Variants in IL1RAPL1 observed in about 807,000 individuals in gnomAD.
IL1RAPL1 encodes interleukin-1 receptor accessory protein-like 1.
Under a neutral mutation model 48.4 loss-of-function variants are expected in IL1RAPL1, and 3 were observed. That is an observed-to-expected ratio of 0.06 (90% CI 0.03 to 0.16). The LOEUF (loss-of-function observed/expected upper bound fraction) is 0.16, where lower values mean the gene tolerates loss of function less well. Ranked by LOEUF, IL1RAPL1 falls within the 10% of genes least tolerant of loss-of-function variation. The pLI is 1.00. For synonymous variants in IL1RAPL1, 185 were observed against 187.7 expected, an observed-to-expected ratio of 0.99 and a Z score of 0.12; for missense variants, 349 against 530.6, an observed-to-expected ratio of 0.66 and a Z score of 3.36.
intron 3 of IL1RAPL1, among the ~76,000 whole-genome samples, chrX:29,335,808 T>C (rs1427007889): frequency 9.0e-6 from 1 of 111,578 alleles, no homozygotes; most frequent in Non-Finnish European, 1.9e-5. Context: ...TTTGCCTATA[T>C]TTGAAAGCAC....
intron 2 of IL1RAPL1, among the ~76,000 whole-genome samples, chrX:29,094,872 T>C (rs1410533235): frequency 1.0e-5 from 1 of 98,648 alleles, no homozygotes; most frequent in Non-Finnish European, 2.0e-5. Flanking sequence ...ACTACTGATC[T>C]CACTGCCTGG....
At chrX:28,715,553 C>T (rs763453673) in intron 1 of IL1RAPL1, among the ~76,000 whole-genome samples, 2 of 111,588 alleles carry the variant, frequency 1.8e-5, no homozygotes, top group South Asian at 7.4e-4. Context: ...TTACAAATAC[C>T]TCTATGAACA....
chrX:28,887,496 A>G (rs924938430), intron 2 of IL1RAPL1, among the ~76,000 whole-genome samples: 7 of 112,408 alleles, frequency 6.2e-5, no homozygotes, highest in Admixed American at 1.9e-4. Context: ...TTGCCAAAGC[A>G]GCGAAATCCC....
chrX:29,814,998 G>T (rs980905270), intron 6 of IL1RAPL1, among the ~76,000 whole-genome samples: 1 of 111,603 alleles, frequency 9.0e-6, no homozygotes, highest in Non-Finnish European at 1.9e-5. Flanking sequence ...ATAGTTTAAA[G>T]TTGGGTAATG....
chrX:29,709,334 C>T (rs377491001), intron 6 of IL1RAPL1, among the ~76,000 whole-genome samples: 2 of 111,509 alleles, frequency 1.8e-5, no homozygotes, highest in South Asian at 3.7e-4. Flanking sequence ...GTGACATATA[C>T]GGTGTTCAGT....
chrX:29,058,088 GA>G (rs1927261238), intron 2 of IL1RAPL1, among the ~76,000 whole-genome samples: 1 of 110,919 alleles, frequency 9.0e-6, no homozygotes, highest in South Asian at 3.9e-4. Context: ...TTAAAAATAG[GA>G]AAGAGGCCGG....
chrX:29,457,400 T>A (rs1361547502), intron 5 of IL1RAPL1, among the ~76,000 whole-genome samples: 1 of 111,253 alleles, frequency 9.0e-6, no homozygotes, highest in African/African-American at 3.3e-5. Flanking sequence ...TCATGTGTGC[T>A]CAAAGTTTAG....
chrX:29,298,005 A>G (rs956344838), intron 3 of IL1RAPL1, among the ~76,000 whole-genome samples: 6 of 112,231 alleles, frequency 5.3e-5, no homozygotes, highest in Non-Finnish European at 7.5e-5. Context: ...TGATAAGCTA[A>G]CAATTAATTT....
intron 3 of IL1RAPL1, among the ~76,000 whole-genome samples, chrX:29,300,656 T>C (rs188576630): frequency 1.3e-3 from 142 of 112,208 alleles, no homozygotes; most frequent in African/African-American, 4.1e-3. Context: ...TAACAGCCTG[T>C]GTGTTAACCT....
chrX:29,168,204 T>C (rs1929824878), intron 2 of IL1RAPL1, among the ~76,000 whole-genome samples: 2 of 109,381 alleles, frequency 1.8e-5, no homozygotes, highest in South Asian at 7.8e-4. Context: ...TTCAAAATCT[T>C]CACTTCTATC....
rs1208089259 is a variant in IL1RAPL1 at position 29,270,142 on chromosome X, C to T, written c.83-12796C>T. Among the ~76,000 whole-genome samples, 10 of 111,793 alleles carry T rather than the reference C, an allele frequency of 8.9e-5. No homozygotes were observed. The East Asian group carries it at 2.2e-3, about 25-fold the overall frequency. On this transcript the variant is annotated intron_variant, in intron 2 of 10. Transcript: ENST00000378993. ...ATTATATGACTACATTCATCATTTG[C>T]TTATTCACCTGTTGGTAAAATTTAC...
intron 2 of IL1RAPL1, among the ~76,000 whole-genome samples, chrX:29,164,186 C>T (rs1017136423): frequency 2.4e-4 from 27 of 111,290 alleles, no homozygotes; most frequent in African/African-American, 6.5e-4. Context: ...TGACTTTGGA[C>T]GGCACACATT....
intron 5 of IL1RAPL1, among the ~76,000 whole-genome samples, chrX:29,544,923 T>C (rs1017775468): frequency 9.9e-6 from 1 of 100,994 alleles, no homozygotes; most frequent in East Asian, 2.9e-4. Flanking sequence ...TAATTCAGTC[T>C]GACTGTCATC....
chrX:29,791,967 G>C (rs1340138348), intron 6 of IL1RAPL1, among the ~76,000 whole-genome samples: 1 of 110,024 alleles, frequency 9.1e-6, no homozygotes, highest in Non-Finnish European at 1.9e-5. Context: ...CCTGGCTCAA[G>C]TGATTTGCCC....
chrX:28,939,307 A>G (rs993542928), intron 2 of IL1RAPL1, among the ~76,000 whole-genome samples: 1 of 111,614 alleles, frequency 9.0e-6, no homozygotes, highest in African/African-American at 3.3e-5. Context: ...GACAGACTGG[A>G]TAAAGAAAAT....
intron 2 of IL1RAPL1, among the ~76,000 whole-genome samples, chrX:28,954,175 C>G (rs889881247): frequency 9.0e-6 from 1 of 110,632 alleles, no homozygotes; most frequent in Non-Finnish European, 1.9e-5. Flanking sequence ...CTTTAAAAAC[C>G]CTTCAAAATG....
intron 2 of IL1RAPL1, among the ~76,000 whole-genome samples, chrX:28,873,939 G>A (rs1161703511): frequency 6.8e-5 from 7 of 103,209 alleles, no homozygotes; most frequent in African/African-American, 2.5e-4. Context: ...GCTTCTTTCA[G>A]CCACCTTGTT....
chrX:29,240,292 C>T (rs1385951709), intron 2 of IL1RAPL1, among the ~76,000 whole-genome samples: 2 of 85,101 alleles, frequency 2.4e-5, no homozygotes, highest in Non-Finnish European at 4.3e-5. Flanking sequence ...TGGAGTGCAG[C>T]GGCATGATCT....
In IL1RAPL1 at chrX:29,358,686, C is replaced by T. The variant is rs769162842; in HGVS notation, c.363-37572C>T. On this transcript the variant is annotated intron_variant, in intron 3 of 10. Transcript: ENST00000378993. ...AACTCTGCTACTTATCATTTTGTCACGGTGAGAACATTTAAGATTTACTTT... is the reference window on the plus strand; with the variant it reads ...AACTCTGCTACTTATCATTTTGTCATGGTGAGAACATTTAAGATTTACTTT... 3.4e-4 allele frequency among the ~76,000 whole-genome samples: 38 copies of T among 110,446 alleles called. 1 individual carries two copies. The highest frequency in any genetic ancestry group is 1.1e-3 in the African/African-American group (32 of 30,434).
Sources: allele counts gnomAD v4.1 joint callset (sites outside exome capture counted in the v4.1 genomes callset), GRCh38; gene constraint gnomAD v4.1.1; transcripts MANE v1.5; gene names NCBI Gene and HGNC (gene_info 2026-07-23, HGNC 2026-07-21).